Variants in UBA1 observed in about 807,000 individuals in gnomAD.
The protein encoded by UBA1 is ubiquitin like modifier activating enzyme 1.
UBA1 carries 4 observed loss-of-function variants against 84.7 expected under a neutral mutation model. That is an observed-to-expected ratio of 0.05 (90% CI 0.02 to 0.11). The LOEUF (loss-of-function observed/expected upper bound fraction) is 0.11, where lower values mean the gene tolerates loss of function less well. Among genes scored for constraint, UBA1 ranks in the 10% least tolerant of loss-of-function variants. UBA1 has a pLI of 1.00. For synonymous variants in UBA1, 364 were observed against 362.6 expected, an observed-to-expected ratio of 1.00 and a Z score of -0.04; for missense variants, 513 against 902.8, an observed-to-expected ratio of 0.57 and a Z score of 5.53.
At position 47,206,548 on chromosome X, in the gene UBA1, G is replaced by A. The variant is rs1858479309; in HGVS notation, c.1938+104G>A. 4 of 851,560 alleles carry A rather than the reference G, an allele frequency of 4.7e-6. No individual in the cohort carries two copies. The East Asian group carries it at 1.3e-4, about 28-fold the overall frequency. 70.2% of individuals were successfully genotyped at this position (851,560 alleles called of 1,213,427 possible). On this transcript the variant is annotated intron_variant, in intron 16 of 25. Transcript: ENST00000335972. The stretch of plus-strand genomic sequence containing the variant: ...GCCTTCAGATGTTGCATGCCTAAGT[G>A]TAAGATGTGCCTTTTCTCCAAACCT...
At chrX:47,200,746 A>G in intron 5 of UBA1, 148 bp from the exon 6 acceptor site, 1 of 485,953 alleles carries the variant, frequency 2.1e-6, no homozygotes. Context: ...AGAGTCTGAT[A>G]CACAGTAGGT....
At chrX:47,202,022 A>G (rs1936434264) in intron 8 of UBA1, 134 bp from the exon 9 acceptor site, 2 of 566,134 alleles carry the variant, frequency 3.5e-6, no homozygotes, top group East Asian at 7.2e-5. Context: ...CTGATGTCCA[A>G]GTGGAGCCTG....
chrX:47,209,590 T>C, intron 16 of UBA1, 33 bp from the exon 17 acceptor site: 1 of 1,196,660 alleles, frequency 8.4e-7, no homozygotes, highest in Non-Finnish European at 1.1e-6. Context: ...TTGTCAACTG[T>C]GGCCACATGT....
Position 47,213,098 on chromosome X carries a change from C to T in UBA1, c.2755C>T (p.Leu919Phe). 8.3e-7 allele frequency: 1 copy of T among 1,212,100 alleles called. No individual in the cohort carries two copies. Among genetic ancestry groups the T allele is most frequent in the Non-Finnish European group, 1.1e-6 (1 of 895,593 alleles). The change falls in exon 23 of 26, where the codon CTT becomes TTT. Residue 919 changes from leucine to phenylalanine, a missense_variant. Physicochemically the swap from Leu to Phe is conservative, Grantham distance 22. Coordinates refer to ENST00000335972, the MANE Select transcript of UBA1 (RefSeq NM_003334.4). ...CAAGGTTGTGCAGGGGCACCGACAG[C>T]TTGACTCCTACAAGAATGGTTTCCT... ...LYKVVQGHRQLDSYKNGFLNL... is the reference protein window; with the variant it reads ...LYKVVQGHRQFDSYKNGFLNL...
At chrX:47,211,767 A>G (rs1160147609) in intron 20 of UBA1, among the ~76,000 whole-genome samples, 1 of 97,843 alleles carries the variant, frequency 1.0e-5, no homozygotes, top group African/African-American at 3.9e-5. Context: ...TACCTTCCTT[A>G]TATCTCCCCC....
intron 14 of UBA1, chrX:47,205,536 A>G (rs1556790482): frequency 2.9e-6 from 1 of 348,032 alleles, no homozygotes; most frequent in Non-Finnish European, 5.7e-6. Flanking sequence ...CTTCCCCAGC[A>G]TTAAGTAAAT....
intron 14 of UBA1, among the ~76,000 whole-genome samples, chrX:47,204,733 T>C (rs1848185938): frequency 1.8e-5 from 2 of 111,609 alleles, no homozygotes; most frequent in African/African-American, 6.5e-5. Flanking sequence ...TTCAGTCTCC[T>C]AGGCTTACAC....
At chrX:47,194,568 G>A (rs1436644459) in intron 1 of UBA1, among the ~76,000 whole-genome samples, 4 of 111,626 alleles carry the variant, frequency 3.6e-5, no homozygotes, top group African/African-American at 1.3e-4. Context: ...CCACACACAT[G>A]CTAGCCGCGC....
intron 1 of UBA1, among the ~76,000 whole-genome samples, chrX:47,195,290 T>C (rs1485697746): frequency 5.4e-5 from 6 of 110,967 alleles, no homozygotes; most frequent in Non-Finnish European, 1.1e-4. Flanking sequence ...CACTATGTCG[T>C]CCAGGCTGGA....
intron 6 of UBA1, 111 bp from the exon 7 acceptor site, chrX:47,201,165 C>T: frequency 1.2e-6 from 1 of 828,018 alleles, no homozygotes; most frequent in South Asian, 2.2e-5. Flanking sequence ...TCTTACATCC[C>T]AGCAGTGATA....
intron 23 of UBA1, among the ~76,000 whole-genome samples, chrX:47,213,531 G>A (rs893398736): frequency 8.9e-6 from 1 of 112,034 alleles, no homozygotes; most frequent in Non-Finnish European, 1.9e-5. Flanking sequence ...TCCTCAAGTA[G>A]ATTATATAAA....
rs782706300 is a variant in UBA1 at position 47,206,133 on chromosome X, A to G, written c.1741+20A>G. On this transcript the variant is annotated intron_variant, in intron 15 of 25. Coordinates refer to ENST00000335972, the MANE Select transcript of UBA1 (RefSeq NM_003334.4). ...ATGCCCGTGAGTTTGGAGGCGGGTG[A>G]GGTGGTCACGGGCAAAGTTGTGTGT... is the stretch of plus-strand genomic sequence containing the variant. The G allele has an allele frequency of 2.0e-5, 24 of 1,191,219 alleles. No individual in the cohort carries two copies. The highest frequency in any genetic ancestry group is 2.3e-4 in the Middle Eastern group (1 of 4,356).
At chrX:47,202,869 CTG>C in intron 11 of UBA1, 55 bp downstream of exon 11, 1 of 1,199,626 alleles carries the variant, frequency 8.3e-7, no homozygotes, top group Non-Finnish European at 1.1e-6. Context: ...CTCCATGACT[CTG>C]TCACTTGCTC....
intron 14 of UBA1, 31 bp downstream of exon 14, chrX:47,203,727 G>T (rs782302138): frequency 8.6e-7 from 1 of 1,162,026 alleles, no homozygotes; most frequent in Non-Finnish European, 1.2e-6. Flanking sequence ...GGGCTTTGTC[G>T]TCTCACTTTC....
intron 16 of UBA1, among the ~76,000 whole-genome samples, chrX:47,207,467 A>G (rs1457944817): frequency 8.9e-6 from 1 of 112,234 alleles, no homozygotes; most frequent in Non-Finnish European, 1.9e-5. Flanking sequence ...GCAGCATTCA[A>G]AGTCATCCTG....
In UBA1 at chrX:47,203,221, G is replaced by A; in HGVS notation, c.1419+7G>A. On this transcript the variant is annotated splice_region_variant and intron_variant, in intron 13 of 25. Transcript: ENST00000335972. ...CAAGCAGAAGTATTTCCTGGTAAGT[G>A]GTCCCCTTGGATGTCTGCTCCCCTC... The A allele has an allele frequency of 8.3e-7, 1 of 1,210,896 alleles. No individual in the cohort carries two copies. Among genetic ancestry groups the A allele is most frequent in the Non-Finnish European group, 1.1e-6 (1 of 894,448 alleles).
chrX:47,201,746 C>A, intron 8 of UBA1, 136 bp downstream of exon 8: 1 of 757,512 alleles, frequency 1.3e-6, no homozygotes. Context: ...AGATGAACTA[C>A]AGACAATCCT....
chrX:47,214,837 C>T lies in UBA1; in HGVS notation c.3085C>T (p.Arg1029Cys), dbSNP rs1489105528. The change falls in exon 26 of 26, where the codon CGC becomes TGC. Residue 1029 changes from arginine (R) to cysteine (C), a missense_variant. Arg to Cys is a radical substitution (Grantham distance 180, BLOSUM62 -3). Transcript: ENST00000335972. ...VSRVSKRKLG[R>C]HVRALVLELC... is the part of the protein sequence containing the mutation. ...CCGTGTGTCGAAGCGAAAGCTGGGCCGCCACGTGCGGGCGCTGGTGCTTGA... is the reference window on the plus strand; with the variant it reads ...CCGTGTGTCGAAGCGAAAGCTGGGCTGCCACGTGCGGGCGCTGGTGCTTGA... 9 of 1,211,752 alleles carry T rather than the reference C, an allele frequency of 7.4e-6. No homozygotes were observed. The highest frequency in any genetic ancestry group is 1.0e-5 in the Non-Finnish European group (9 of 895,634).
rs1556792546 is a variant in UBA1, at chrX:47,209,352, C to A, written c.1939-271C>A. The stretch of plus-strand genomic sequence containing the variant: ...TATTTTTAGTAGAGATGGGGTTTCA[C>A]CATGTTGGTCAGGCTGGTCTCGAAC... On this transcript the variant is annotated intron_variant, in intron 16 of 25. Coordinates refer to ENST00000335972, the MANE Select transcript of UBA1 (RefSeq NM_003334.4). 6.6e-6 allele frequency: 3 copies of A among 452,493 alleles called. No homozygotes were observed. The South Asian group carries it at 9.8e-5, about 15-fold the overall frequency. The allele number at this position is 452,493 out of a possible 1,213,427, so 37.3% of individuals were successfully genotyped here.
Sources: allele counts gnomAD v4.1 joint callset (sites outside exome capture counted in the v4.1 genomes callset), GRCh38; gene constraint gnomAD v4.1.1; transcripts MANE v1.5; gene names NCBI Gene and HGNC (gene_info 2026-07-23, HGNC 2026-07-21).